RHOJ: variants seen among roughly 807,000 people sequenced by gnomAD.
The protein encoded by RHOJ is ras homolog family member J.
A neutral mutation model predicts 23.4 loss-of-function variants in RHOJ; 11 were observed. That is an observed-to-expected ratio of 0.47 (90% CI 0.30 to 0.78). RHOJ has a LOEUF of 0.78. RHOJ is among the 30% of genes least tolerant of loss of function. The pLI is 0.08. For synonymous variants in RHOJ, 102 were observed against 102.7 expected (o/e 0.99, Z 0.04); for missense variants, 254 against 273.4 (o/e 0.93, Z 0.50).
chr14:63,292,472 T>C lies in RHOJ; in HGVS notation c.*1448T>C, dbSNP rs2012961. 0.56 allele frequency: 85,326 copies of C among 152,130 alleles called. 28,111 individuals carry two copies. Among genetic ancestry groups the C allele is most frequent in the South Asian group, 0.8 (3,858 of 4,808 alleles). 9.4% of individuals were successfully genotyped at this position (152,130 alleles called of 1,614,324 possible). On this transcript the variant is annotated 3_prime_UTR_variant, in exon 5 of 5. Coordinates refer to ENST00000316754, the MANE Select transcript of RHOJ (RefSeq NM_020663.5). ...GGCTATGAGGACTTCTAATTAGTCTTAGTTGCTTATAAGTGCCCTGGAATC... is the reference window on the plus strand; with the variant it reads ...GGCTATGAGGACTTCTAATTAGTCTCAGTTGCTTATAAGTGCCCTGGAATC...
At chr14:63,284,104 A>C (rs1179711136) in intron 4 of RHOJ, among the ~76,000 whole-genome samples, 3 of 152,240 alleles carry the variant, frequency 2.0e-5, no homozygotes, top group Non-Finnish European at 4.4e-5. Context: ...CGCATACCGC[A>C]GGCAGAGTTA....
chr14:63,225,832 T>C (rs1312966078), intron 1 of RHOJ, among the ~76,000 whole-genome samples: 3 of 152,214 alleles, frequency 2.0e-5, no homozygotes, highest in Non-Finnish European at 2.9e-5. Flanking sequence ...CCCATGTATA[T>C]AAAAGAGGTT....
intron 2 of RHOJ, among the ~76,000 whole-genome samples, chr14:63,271,036 A>G (rs1379905588): frequency 6.6e-6 from 1 of 152,258 alleles, no homozygotes; most frequent in Non-Finnish European, 1.5e-5. Context: ...TAATACTGGT[A>G]TAAGAGTTGA....
At chr14:63,266,600 T>C (rs1037256674) in intron 1 of RHOJ, among the ~76,000 whole-genome samples, 1 of 152,252 alleles carries the variant, frequency 6.6e-6, no homozygotes, top group African/African-American at 2.4e-5. Context: ...TCATCTATAA[T>C]TTCTTCCAGC....
Position 63,269,133 on chromosome 14 carries a change from C to G in RHOJ, c.202C>G (p.Gln68Glu). 1 of 1,613,158 alleles carries G rather than the reference C, an allele frequency of 6.2e-7. No homozygotes were observed. Among genetic ancestry groups the G allele is most frequent in the Non-Finnish European group, 8.5e-7 (1 of 1,179,228 alleles). ...YAVTVTVGGKQHLLGLYDTAG... is the reference protein window; with the variant it reads ...YAVTVTVGGKEHLLGLYDTAG... Reference sequence around the variant, plus strand: ...AGTTACTGTGACTGTGGGAGGCAAGCAACACTTGCTCGGACTGTATGACAC... The same window carrying G: ...AGTTACTGTGACTGTGGGAGGCAAGGAACACTTGCTCGGACTGTATGACAC... The change falls in exon 2 of 5, where the codon CAA (glutamine) becomes GAA (glutamate). Residue 68 changes from glutamine to glutamate, a missense_variant. Transcript: ENST00000316754.
intron 1 of RHOJ, among the ~76,000 whole-genome samples, chr14:63,246,414 A>G (rs1462517871): frequency 6.6e-6 from 1 of 152,228 alleles, no homozygotes; most frequent in East Asian, 1.9e-4. Context: ...TAAAAACCAC[A>G]TCGTAGGTAA....
intron 1 of RHOJ, among the ~76,000 whole-genome samples, chr14:63,264,477 C>G (rs1445812059): frequency 6.6e-6 from 1 of 152,214 alleles, no homozygotes; most frequent in East Asian, 1.9e-4. Flanking sequence ...CTACAATGGA[C>G]ATACAAGTGC....
At chr14:63,269,372 G>A in intron 2 of RHOJ, 1 of 451,202 alleles carries the variant, frequency 2.2e-6, no homozygotes, top group Admixed American at 4.0e-5. Flanking sequence ...CATCATTCAA[G>A]GCATTGATAG....
chr14:63,250,133 T>C (rs751244970), intron 1 of RHOJ, among the ~76,000 whole-genome samples: 2 of 152,226 alleles, frequency 1.3e-5, no homozygotes, highest in African/African-American at 2.4e-5. Context: ...ATCTTTTCCC[T>C]GGGCCACTGT....
At chr14:63,215,112 T>C (rs1894326258) in intron 1 of RHOJ, among the ~76,000 whole-genome samples, 2 of 152,318 alleles carry the variant, frequency 1.3e-5, no homozygotes, top group South Asian at 4.1e-4. Context: ...CAAATCCTTC[T>C]GTTCTTCTTC....
In RHOJ at chr14:63,244,296, G is replaced by A. The variant is rs146686307; in HGVS notation, c.179-24814G>A. ...AAAGGTAATGTTCTGGCCGGGTGTG[G>A]TGGCTCATGCATGTAATCCCAGCAC... On this transcript the variant is annotated intron_variant, in intron 1 of 4. Coordinates refer to ENST00000316754, the MANE Select transcript of RHOJ (RefSeq NM_020663.5). Among the ~76,000 whole-genome samples, 458 of 152,168 alleles carry A rather than the reference G, an allele frequency of 3.0e-3. 3 individuals are homozygous for A. The highest frequency in any genetic ancestry group is 0.017 in the Middle Eastern group (5 of 294).
chr14:63,283,703 T>C (rs912263308), intron 4 of RHOJ, among the ~76,000 whole-genome samples: 14 of 152,140 alleles, frequency 9.2e-5, no homozygotes, highest in Admixed American at 8.5e-4. Flanking sequence ...AGAGCCTGGA[T>C]TGTGTCACAA....
intron 4 of RHOJ, among the ~76,000 whole-genome samples, chr14:63,287,250 A>G (rs1220323304): frequency 1.3e-5 from 2 of 152,206 alleles, no homozygotes; most frequent in Non-Finnish European, 1.5e-5. Context: ...TTGGCTCAGG[A>G]GGCAGACAAA....
chr14:63,269,457 T>C (rs1280135238), intron 2 of RHOJ: 1 of 287,906 alleles, frequency 3.5e-6, no homozygotes. Context: ...TTTCAATTTC[T>C]TTCTGTGGAA....
chr14:63,230,165 G>A (rs992264424), intron 1 of RHOJ, among the ~76,000 whole-genome samples: 12 of 150,038 alleles, frequency 8.0e-5, no homozygotes, highest in African/African-American at 3.0e-4. Flanking sequence ...ATTGTCACAG[G>A]AGACTGAACA....
intron 3 of RHOJ, among the ~76,000 whole-genome samples, chr14:63,281,526 TGTCAAGGTGA>T (rs921012944): frequency 1.9e-4 from 29 of 151,986 alleles, no homozygotes; most frequent in African/African-American, 7.0e-4. Flanking sequence ...TAGGTAGGAG[TGTCAAGGTGA>T]CCACAGCAAT....
At chr14:63,217,272 G>A (rs573032524) in intron 1 of RHOJ, among the ~76,000 whole-genome samples, 117 of 133,702 alleles carry the variant, frequency 8.8e-4, no homozygotes, top group Middle Eastern at 5.7e-3. Flanking sequence ...AGAGTGTGAT[G>A]TTCCCCTTCC....
chr14:63,278,388 T>C (rs1372042217), intron 2 of RHOJ, among the ~76,000 whole-genome samples: 1 of 152,194 alleles, frequency 6.6e-6, no homozygotes. Flanking sequence ...CATGTGTATG[T>C]AGTGTGCACA....
At chr14:63,278,900 C>A (rs1297076637) in intron 2 of RHOJ, among the ~76,000 whole-genome samples, 1 of 152,028 alleles carries the variant, frequency 6.6e-6, no homozygotes, top group African/African-American at 2.4e-5. Context: ...GTGGGAGTAT[C>A]GCTTGAGCCC....
Sources: allele counts gnomAD v4.1 joint callset (sites outside exome capture counted in the v4.1 genomes callset), GRCh38; gene constraint gnomAD v4.1.1; transcripts MANE v1.5; gene names NCBI Gene and HGNC (gene_info 2026-07-23, HGNC 2026-07-21).